The following GATAD1 variants were observed in gnomAD, a reference collection of about 807,000 sequenced individuals.
GATAD1 encodes the protein GATA zinc finger domain-containing protein 1.
A neutral mutation model predicts 26.5 loss-of-function variants in GATAD1; 12 were observed. The ratio of observed to expected loss-of-function variants is 0.45; its 90% CI spans 0.29 to 0.73. The LOEUF (loss-of-function observed/expected upper bound fraction) is 0.73. Among genes scored for constraint, GATAD1 ranks in the 30% least tolerant of loss-of-function variants. The pLI is 0.10. For missense variants in GATAD1, 266 were observed against 342.1 expected, an observed-to-expected ratio of 0.78 and a Z score of 1.75; for synonymous variants, 129 against 133.1, an observed-to-expected ratio of 0.97 and a Z score of 0.21.
At chr7:92,470,480 G>T in the GATAD1 span, 6 of 599,676 alleles carry the variant, frequency 1.0e-5, no homozygotes, top group South Asian at 1.3e-4. Flanking sequence ...TTGTCTCCTG[G>T]ATTTTCAGGT....
At chr7:92,480,261 T>C in the GATAD1 span, among the ~76,000 whole-genome samples, 1 of 152,178 alleles carries the variant, frequency 6.6e-6, no homozygotes, top group East Asian at 1.9e-4. Flanking sequence ...AGTGGCCTTC[T>C]CAGACCCTGT....
chr7:92,469,112 G>C, the GATAD1 span: 1 of 702,116 alleles, frequency 1.4e-6, no homozygotes, highest in African/African-American at 1.7e-5. Context: ...CGTTGTATTC[G>C]ATCTCGAATT....
chr7:92,469,829 T>A, the GATAD1 span: 1 of 771,016 alleles, frequency 1.3e-6, no homozygotes, highest in Non-Finnish European at 2.4e-6. Flanking sequence ...ATCCAACAGT[T>A]AGTAGGGTTT....
At chr7:92,489,255 A>C in the GATAD1 span, 3 of 1,579,674 alleles carry the variant, frequency 1.9e-6, no homozygotes, top group Non-Finnish European at 2.6e-6. Context: ...GTCACTTGTA[A>C]TAGTAGCTGT....
the GATAD1 span, chr7:92,487,379 A>G: frequency 1.3e-6 from 1 of 753,890 alleles, no homozygotes; most frequent in African/African-American, 1.8e-5. Flanking sequence ...AAATTCATAG[A>G]CACCATTTTT....
At chr7:92,483,321 G>C in the GATAD1 span, among the ~76,000 whole-genome samples, 1 of 152,224 alleles carries the variant, frequency 6.6e-6, no homozygotes, top group Admixed American at 6.5e-5. Context: ...TGAAGTTCTT[G>C]TTTGCTGGAG....
intron 4 of GATAD1, among the ~76,000 whole-genome samples, chr7:92,456,107 T>G (rs1049500681): frequency 6.6e-6 from 1 of 152,204 alleles, no homozygotes; most frequent in African/African-American, 2.4e-5. Context: ...ATGAAGGTAT[T>G]GATACATGTA....
In GATAD1 at chr7:92,447,998, C is replaced by A; in HGVS notation, c.249+20C>A. The A allele has an allele frequency of 8.3e-7, 1 of 1,211,402 alleles. No individual in the cohort carries two copies. The highest frequency in any genetic ancestry group is 4.1e-5 in the South Asian group (1 of 24,240). 75.0% of individuals were successfully genotyped at this position (1,211,402 alleles called of 1,614,324 possible). On this transcript the variant is annotated intron_variant, in intron 1 of 4. Coordinates refer to ENST00000287957, the MANE Select transcript of GATAD1 (RefSeq NM_021167.5). ...AAGCAGGTGAGCTCCTCCGGCCCCT[C>A]CCGCCGGCGGAGGCCGACCAGGTGC... is the stretch of plus-strand genomic sequence containing the variant.
chr7:92,494,257 T>C, the GATAD1 span: 2 of 1,420,288 alleles, frequency 1.4e-6, no homozygotes, highest in South Asian at 1.2e-5. Flanking sequence ...AGTGTAGCAT[T>C]TGTTGGGTTT....
At chr7:92,472,686 C>T in the GATAD1 span, 2 of 152,220 alleles carry the variant, frequency 1.3e-5, no homozygotes, top group African/African-American at 4.8e-5. Flanking sequence ...AATCCATTTT[C>T]GGCAGAAACC....
Position 92,454,518 on chromosome 7 carries a change from T to C in GATAD1, c.452T>C (p.Ile151Thr). The change falls in exon 4 of 5, where the codon ATT becomes ACT. Residue 151 changes from isoleucine (I) to threonine (T), a missense_variant. By Grantham distance (89) the Ile-to-Thr change is moderately conservative. Transcript: ENST00000287957. ...TTCCCCCAGGGAGTATATTACCAAA[T>C]TGGTGATGTTGTTTCTGTGATTGAT... ...SIFYKGVYYQ[I>T]GDVVSVIDEQ... 2 of 1,610,546 alleles carry C rather than the reference T, an allele frequency of 1.2e-6. No individual in the cohort carries two copies. Among genetic ancestry groups the C allele is most frequent in the Non-Finnish European group, 1.7e-6 (2 of 1,176,800 alleles).
At chr7:92,491,579 CATTCT>C in the GATAD1 span, 1 of 869,748 alleles carries the variant, frequency 1.1e-6, no homozygotes, top group Non-Finnish European at 1.9e-6. Flanking sequence ...ACATAGATAG[CATTCT>C]ATTAGAGCAA....
At chr7:92,487,644 G>T in the GATAD1 span, 2 of 507,438 alleles carry the variant, frequency 3.9e-6, no homozygotes, top group Non-Finnish European at 3.5e-6. Context: ...GAAATGAACG[G>T]GAAATAACAA....
the GATAD1 span, chr7:92,468,755 G>C: frequency 2.3e-5 from 16 of 707,390 alleles, no homozygotes; most frequent in Non-Finnish European, 3.3e-5. Flanking sequence ...GAGGTTGGCC[G>C]ACGACCGCTC....
At chr7:92,484,063 A>G in the GATAD1 span, among the ~76,000 whole-genome samples, 1 of 152,220 alleles carries the variant, frequency 6.6e-6, no homozygotes, top group Non-Finnish European at 1.5e-5. Context: ...CAGGCATCTC[A>G]GACCATTTTT....
rs755189060 is a variant in GATAD1 at position 92,456,467 on chromosome 7, A to G, written c.715A>G (p.Thr239Ala). ...YFKSRSSPFP[T>A]VPTRPEKGYI... is the part of the protein sequence containing the mutation. ...CAAGTCACGGTCATCACCATTTCCC[A>G]CAGTTCCCACCAGACCAGAGAAGGG... The change falls in exon 5 of 5, where the codon ACA becomes GCA. Residue 239 changes from threonine (T) to alanine (A), a missense_variant. By Grantham distance (58) the Thr-to-Ala change is moderately conservative. Coordinates refer to ENST00000287957, the MANE Select transcript of GATAD1 (RefSeq NM_021167.5). The G allele has an allele frequency of 1.9e-6, 3 of 1,612,128 alleles. No individual in the cohort carries two copies. Among genetic ancestry groups the G allele is most frequent in the Non-Finnish European group, 2.5e-6 (3 of 1,178,188 alleles).
downstream of GATAD1, among the ~76,000 whole-genome samples, chr7:92,461,683 C>G (rs1789926013): frequency 6.6e-6 from 1 of 151,898 alleles, no homozygotes; most frequent in Non-Finnish European, 1.5e-5. Context: ...AATTGAAAAG[C>G]AAAGAATAAA....
chr7:92,476,966 A>G, the GATAD1 span, among the ~76,000 whole-genome samples: 1 of 152,128 alleles, frequency 6.6e-6, no homozygotes, highest in Non-Finnish European at 1.5e-5. Context: ...GTATATTCAG[A>G]GGTAAGGAGA....
At chr7:92,475,996 A>G in the GATAD1 span, among the ~76,000 whole-genome samples, 6,244 of 152,280 alleles carry the variant, frequency 0.041, 159 homozygotes, top group African/African-American at 0.055. Flanking sequence ...CTTCCACAAG[A>G]GTCCCCGTAT....
Sources: allele counts gnomAD v4.1 joint callset (sites outside exome capture counted in the v4.1 genomes callset), GRCh38; gene constraint gnomAD v4.1.1; transcripts MANE v1.5; gene names NCBI Gene and HGNC (gene_info 2026-07-23, HGNC 2026-07-21).